LPA: variants seen among roughly 807,000 people sequenced by gnomAD.
LPA encodes lipoprotein(a).
In LPA, 199 loss-of-function variants were observed where a neutral mutation model predicts 197.9. The observed-to-expected ratio is 1.01, with a 90% confidence interval of 0.90 to 1.13. The LOEUF (loss-of-function observed/expected upper bound fraction) is 1.13. LPA is among the 50% of genes most tolerant of loss of function. The pLI is 0.00. For synonymous variants in LPA, 715 were observed against 639.5 expected, an observed-to-expected ratio of 1.12 and a Z score of -1.78; for missense variants, 1,853 against 1,785.8, an observed-to-expected ratio of 1.04 and a Z score of -0.68.
intron 28 of LPA, among the ~76,000 whole-genome samples, chr6:160,562,104 G>A (rs1378055973): frequency 1.3e-5 from 2 of 152,160 alleles, no homozygotes; most frequent in Admixed American, 1.3e-4. Flanking sequence ...CCAATACTAT[G>A]TTGAATAGGA....
At chr6:160,564,494 G>A (rs118039278) in intron 28 of LPA, among the ~76,000 whole-genome samples, 6,457 of 152,168 alleles carry the variant, frequency 0.042, 195 homozygotes, top group Non-Finnish European at 0.069. Flanking sequence ...GCCTGCAGAC[G>A]GCCTATTGTG....
intron 16 of LPA, among the ~76,000 whole-genome samples, chr6:160,607,644 G>A (rs768947019): frequency 2.6e-5 from 4 of 152,152 alleles, no homozygotes; most frequent in Admixed American, 2.6e-4. Context: ...CATGACCTGT[G>A]GCTGCCTGAG....
At chr6:160,578,817 C>G in intron 26 of LPA, 113 bp from the exon 27 acceptor site, 1 of 1,443,742 alleles carries the variant, frequency 6.9e-7, no homozygotes, top group East Asian at 2.3e-5. Flanking sequence ...TGAAATATTC[C>G]CATTATACCA....
At chr6:160,586,338 CTT>C (rs1372471602) in intron 25 of LPA, 109 bp downstream of exon 25, 1 of 1,309,262 alleles carries the variant, frequency 7.6e-7, no homozygotes, top group Non-Finnish European at 1.1e-6. Flanking sequence ...CTGTCCATGA[CTT>C]CACCTTCGAC....
chr6:160,576,390 GTATATATATA>G (rs140486548), intron 28 of LPA, among the ~76,000 whole-genome samples: 1 of 46,106 alleles, frequency 2.2e-5, no homozygotes, highest in Non-Finnish European at 4.1e-5. Context: ...ATATATATAT[GTATATATATA>G]TATATATATA....
Position 160,664,211 on chromosome 6 carries a change from C to A in LPA, c.4G>T (p.Glu2Ter). Residue 2 changes from glutamate to a stop codon, truncating the protein, a stop_gained, in exon 1 of 39, where the codon GAA (glutamate) becomes TAA (stop). Transcript: ENST00000316300. LOFTEE classifies it high-confidence loss of function. M[E>*]HKEVVLLLLL... The stretch of plus-strand genomic sequence containing the variant: ...AGTAGAAGAACCACTTCCTTATGTT[C>A]CATTTTGGGACTGGCCAGCAGTGCC... 3 of 1,606,480 alleles carry A rather than the reference C, an allele frequency of 1.9e-6. No individual in the cohort carries two copies. The highest frequency in any genetic ancestry group is 1.1e-5 in the South Asian group (1 of 90,220).
At position 160,542,757 on chromosome 6, in the gene LPA, G is replaced by A. The variant is rs200831181; in HGVS notation, c.5450C>T (p.Pro1817Leu). The A allele has an allele frequency of 9.3e-6, 15 of 1,614,124 alleles. No individual in the cohort carries two copies. The East Asian group carries it at 3.3e-4, about 36-fold the overall frequency. Residue 1817 changes from proline to leucine, a missense_variant, in exon 34 of 39, where the codon CCT becomes CTT. Coordinates refer to ENST00000316300, the MANE Select transcript of LPA (RefSeq NM_005577.4). ...CACACACCCCCCTACAATGCTTCCA[G>A]GACATTTCTTCGGCTCCACTTGAGG... ...GKPQVEPKKCPGSIVGGCVAH... is the reference protein window; with the variant it reads ...GKPQVEPKKCLGSIVGGCVAH...
intron 17 of LPA, 46 bp from the exon 18 acceptor site, chr6:160,605,251 G>A (rs767877551): frequency 1.2e-6 from 2 of 1,606,984 alleles, no homozygotes; most frequent in Non-Finnish European, 1.7e-6. Flanking sequence ...TCCAAGAAGA[G>A]ACAAACATGT....
At chr6:160,542,210 T>C (rs1777992225) in intron 34 of LPA, among the ~76,000 whole-genome samples, 1 of 152,202 alleles carries the variant, frequency 6.6e-6, no homozygotes, top group African/African-American at 2.4e-5. Context: ...TGTTCATGTG[T>C]TTGTGAATAG....
At chr6:160,660,514 A>G (rs1780206652) in intron 1 of LPA, among the ~76,000 whole-genome samples, 1 of 152,206 alleles carries the variant, frequency 6.6e-6, no homozygotes, top group Admixed American at 6.5e-5. Flanking sequence ...GATAAAAAAA[A>G]TAAGACACCA....
chr6:160,546,280 T>C (rs1421276590), intron 32 of LPA, among the ~76,000 whole-genome samples: 1 of 152,126 alleles, frequency 6.6e-6, no homozygotes, highest in East Asian at 1.9e-4. Context: ...GCCTCTGTAA[T>C]GAAGCCTCCA....
Position 160,595,340 on chromosome 6 carries a change from C to A in LPA, c.3469+14G>T, listed in dbSNP as rs1229606199. On this transcript the variant is annotated intron_variant, in intron 21 of 38. Coordinates refer to ENST00000316300, the MANE Select transcript of LPA (RefSeq NM_005577.4). ...ACGTCCTAGGGTGTGGTTGTCTGGC[C>A]ATAGACTTCCTACCTTCTTCAGAAG... is the stretch of plus-strand genomic sequence containing the variant. The A allele has an allele frequency of 1.9e-6, 3 of 1,611,002 alleles. No homozygotes were observed. The highest frequency in any genetic ancestry group is 2.2e-5 in the East Asian group (1 of 44,872).
chr6:160,565,786 G>C (rs981112072), intron 28 of LPA, among the ~76,000 whole-genome samples: 46 of 152,282 alleles, frequency 3.0e-4, no homozygotes, highest in African/African-American at 1.1e-3. Context: ...CCTTGAAAAA[G>C]TTTAGATGAA....
chr6:160,579,305 G>C (rs369503829), intron 26 of LPA, among the ~76,000 whole-genome samples: 1 of 152,136 alleles, frequency 6.6e-6, no homozygotes, highest in Non-Finnish European at 1.5e-5. Context: ...GTATCTGGTA[G>C]AGCAAGTGGG....
chr6:160,605,177 C>G lies in LPA; in HGVS notation c.2814G>C (p.Gln938His), dbSNP rs1188526713. Residue 938 changes from glutamine (Q) to histidine (H), a missense_variant, in exon 18 of 39, where the codon CAG becomes CAC. Coordinates refer to ENST00000316300, the MANE Select transcript of LPA (RefSeq NM_005577.4). Reference sequence around the variant, plus strand: ...TCTGTCCATTTCCGTGGTAGCACTCCTGCACCCCAGGCCTTTGCTCAGTTG... The same window carrying G: ...TCTGTCCATTTCCGTGGTAGCACTCGTGCACCCCAGGCCTTTGCTCAGTTG... ...QAPTEQRPGVQECYHGNGQSY... is the reference protein window; with the variant it reads ...QAPTEQRPGVHECYHGNGQSY... 2 of 1,613,824 alleles carry G rather than the reference C, an allele frequency of 1.2e-6. No individual in the cohort carries two copies. The highest frequency in any genetic ancestry group is 2.7e-5 in the African/African-American group (2 of 74,910).
At chr6:160,595,941 A>C (rs1235946876) in intron 20 of LPA, among the ~76,000 whole-genome samples, 1 of 152,174 alleles carries the variant, frequency 6.6e-6, no homozygotes, top group African/African-American at 2.4e-5. Flanking sequence ...CCTCCAGATT[A>C]ACTGAGATTG....
intron 16 of LPA, among the ~76,000 whole-genome samples, chr6:160,610,628 C>T (rs115848955): frequency 0.016 from 2,462 of 152,228 alleles, 103 homozygotes; most frequent in African/African-American, 0.057. Context: ...GACTTCTATG[C>T]GTATTTGTAG....
intron 28 of LPA, among the ~76,000 whole-genome samples, chr6:160,565,717 A>G (rs1040718483): frequency 1.3e-5 from 2 of 152,194 alleles, no homozygotes; most frequent in African/African-American, 4.8e-5. Flanking sequence ...ACGATCTGTA[A>G]TAACAAATTT....
intron 18 of LPA, among the ~76,000 whole-genome samples, chr6:160,602,391 C>A (rs2115056433): frequency 6.6e-6 from 1 of 152,298 alleles, no homozygotes; most frequent in East Asian, 1.9e-4. Context: ...AAGAAACTTA[C>A]AATGGTACAC....
Sources: allele counts gnomAD v4.1 joint callset (sites outside exome capture counted in the v4.1 genomes callset), GRCh38; gene constraint gnomAD v4.1.1; transcripts MANE v1.5; gene names NCBI Gene and HGNC (gene_info 2026-07-23, HGNC 2026-07-21).